The following FBP1 variants were observed in gnomAD, a reference collection of about 807,000 sequenced individuals.
The protein encoded by FBP1 is fructose-bisphosphatase 1, also known as fructose-1,6-bisphosphatase 1.
In FBP1, 22 loss-of-function variants were observed where a neutral mutation model predicts 29.9. The observed-to-expected ratio is 0.74, with a 90% CI of 0.53 to 1.05. The LOEUF (loss-of-function observed/expected upper bound fraction) is 1.05. Among genes scored for constraint, FBP1 ranks in the 50% least tolerant of loss-of-function variants. The pLI is 0.00. For missense variants in FBP1, 345 were observed against 448.2 expected, an observed-to-expected ratio of 0.77 and a Z score of 2.08; for synonymous variants, 175 against 178.6, an observed-to-expected ratio of 0.98 and a Z score of 0.16.
Position 94,621,398 on chromosome 9 carries a change from A to AAAAAAAAAATATATATAT in FBP1, c.171-908_171-907insATATATATATTTTTTTTT, listed in dbSNP as rs58726402. Among the ~76,000 whole-genome samples, 93 of 146,228 alleles carry AAAAAAAAAATATATATAT rather than the reference A, an allele frequency of 6.4e-4. 4 individuals are homozygous for AAAAAAAAAATATATATAT. The highest frequency in any genetic ancestry group is 2.2e-3 in the African/African-American group (82 of 37,980). ...GCGACAGAGCAAGATTCCGTCTAAA[A>AAAAAAAAAATATATATAT]ATATATATATTTTTAGAAGAAAGGA... is the stretch of plus-strand genomic sequence containing the variant. On this transcript the variant is annotated intron_variant, in intron 1 of 6. Transcript: ENST00000375326.
chr9:94,638,086 CAAAAAAAAAAAA>C (rs11308338), intron 1 of FBP1, among the ~76,000 whole-genome samples: 1 of 110,220 alleles, frequency 9.1e-6, no homozygotes, highest in Admixed American at 9.2e-5. Flanking sequence ...AATTCCATCT[CAAAAAAAAAAAA>C]AAAAAGAAAA....
intron 3 of FBP1, among the ~76,000 whole-genome samples, chr9:94,615,067 C>A (rs1396144104): frequency 1.3e-5 from 2 of 152,142 alleles, no homozygotes; most frequent in South Asian, 2.1e-4. Flanking sequence ...TGCCACCACA[C>A]CCGGCTGATT....
Position 94,617,674 on chromosome 9 carries a change from C to A in FBP1, c.426+94G>T. On this transcript the variant is annotated intron_variant, in intron 3 of 6. Transcript: ENST00000375326. ...TACTTCAGTCTCACAGTTTCATGATCTCCACTCCGGCTGCTCTGCCACAGT... is the reference window on the plus strand; with the variant it reads ...TACTTCAGTCTCACAGTTTCATGATATCCACTCCGGCTGCTCTGCCACAGT... 4 of 804,910 alleles carry A rather than the reference C, an allele frequency of 5.0e-6. No homozygotes were observed. The Admixed American group carries it at 5.7e-5, about 12-fold the overall frequency. The allele number at this position is 804,910 out of a possible 1,614,324, so 49.9% of individuals were successfully genotyped here.
intron 1 of FBP1, among the ~76,000 whole-genome samples, chr9:94,636,220 C>A (rs1828188306): frequency 6.6e-6 from 1 of 152,062 alleles, no homozygotes; most frequent in African/African-American, 2.4e-5. Context: ...TGGCTCATAC[C>A]TGTAATCCCA....
In FBP1 at chr9:94,617,508, T is replaced by C. The variant is rs556224338; in HGVS notation, c.426+260A>G. 5.3e-5 allele frequency among the ~76,000 whole-genome samples: 8 copies of C among 152,322 alleles called. No individual in the cohort carries two copies. The East Asian group carries it at 1.4e-3, about 26-fold the overall frequency. On this transcript the variant is annotated intron_variant, in intron 3 of 6. Transcript: ENST00000375326. ...CCTCTTTTTTAAATCTCATTTTCTA[T>C]CATAAAAAGTAAGACATAGTAAAAA... is the stretch of plus-strand genomic sequence containing the variant.
At chr9:94,626,815 A>G (rs1358542087) in intron 1 of FBP1, among the ~76,000 whole-genome samples, 1 of 152,124 alleles carries the variant, frequency 6.6e-6, no homozygotes, top group East Asian at 1.9e-4. Flanking sequence ...CACTTTGGGA[A>G]GCTAAGGCAG....
chr9:94,632,627 C>T (rs528295831), intron 1 of FBP1, among the ~76,000 whole-genome samples: 28 of 106,870 alleles, frequency 2.6e-4, no homozygotes, highest in Admixed American at 6.1e-4. Context: ...GAGATCACAC[C>T]ACACCACAGC....
At chr9:94,604,773 A>G (rs544536981) in intron 6 of FBP1, among the ~76,000 whole-genome samples, 1 of 152,190 alleles carries the variant, frequency 6.6e-6, no homozygotes, top group Admixed American at 6.5e-5. Context: ...GACGAGTAAG[A>G]CTCTGCCTAA....
chr9:94,623,279 C>T (rs1022074756), intron 1 of FBP1, among the ~76,000 whole-genome samples: 14 of 152,182 alleles, frequency 9.2e-5, no homozygotes, highest in African/African-American at 3.1e-4. Context: ...GCCACCGTGC[C>T]CAGCCCACTG....
chr9:94,629,350 A>T (rs1025687262), intron 1 of FBP1, among the ~76,000 whole-genome samples: 3 of 152,206 alleles, frequency 2.0e-5, no homozygotes, highest in Admixed American at 2.0e-4. Context: ...TCACAGATCC[A>T]TGGCCATTGA....
At chr9:94,603,656 A>G in intron 6 of FBP1, 84 bp from the exon 7 acceptor site, 1 of 1,230,774 alleles carries the variant, frequency 8.1e-7, no homozygotes, top group East Asian at 2.3e-5. Flanking sequence ...AAACATGCAG[A>G]GCTGGTGGGA....
chr9:94,631,758 A>G (rs1291144089), intron 1 of FBP1, among the ~76,000 whole-genome samples: 2 of 152,204 alleles, frequency 1.3e-5, no homozygotes, highest in Admixed American at 1.3e-4. Context: ...GGAGATTATT[A>G]CTTAATCCTT....
chr9:94,616,019 G>A (rs937998482), intron 3 of FBP1, among the ~76,000 whole-genome samples: 20 of 152,008 alleles, frequency 1.3e-4, no homozygotes, highest in African/African-American at 4.1e-4. Context: ...TAGTAGAGAC[G>A]GGGTTTCACC....
At position 94,617,801 on chromosome 9, in the gene FBP1, CA is replaced by C. The variant is rs2131486442; in HGVS notation, c.392del (p.Val131GlyfsTer71). On this transcript the variant is annotated frameshift_variant, in exon 3 of 7. Transcript: ENST00000375326. LOFTEE classifies it high-confidence loss of function. ...LDGSSNIDCL[V>X]SVGTIFGIYR... ...AGATGCCAAAAATGGTTCCAACGGA[CA>C]CAAGGCAATCGATGTTGGAAGATCC... The C allele has an allele frequency of 6.2e-7, 1 of 1,613,850 alleles. No homozygotes were observed. Among genetic ancestry groups the C allele is most frequent in the South Asian group, 1.1e-5 (1 of 91,070 alleles).
chr9:94,609,190 GAAAAAAAAA>G (rs869220165), intron 4 of FBP1, among the ~76,000 whole-genome samples: 1 of 112,014 alleles, frequency 8.9e-6, no homozygotes, highest in South Asian at 2.7e-4. Flanking sequence ...CTACATCTCA[GAAAAAAAAA>G]AAAAAAAGAA....
chr9:94,639,486 G>T lies in FBP1; in HGVS notation c.-176C>A. 1.4e-6 allele frequency: 1 copy of T among 720,688 alleles called. No individual in the cohort carries two copies. 44.6% of individuals were successfully genotyped at this position (720,688 alleles called of 1,614,324 possible). ...ACTGACAGACCGACTGCCGCCCCGA[G>T]TGTCCGCAGCGCTCGTGGTGCAACT... is the stretch of plus-strand genomic sequence containing the variant. On this transcript the variant is annotated 5_prime_UTR_variant, in exon 1 of 7. Transcript: ENST00000375326.
chr9:94,637,428 C>T lies in FBP1; in HGVS notation c.170+1713G>A, dbSNP rs533794815. 6.7e-5 allele frequency among the ~76,000 whole-genome samples: 10 copies of T among 149,660 alleles called. No individual in the cohort carries two copies. The South Asian group carries it at 1.3e-3, about 19-fold the overall frequency. On this transcript the variant is annotated intron_variant, in intron 1 of 6. Transcript: ENST00000375326. ...TTTTTTTTTTTTTAAGACAAAGTCACGCTCTTGTCGCGCAGGCTGGAGTGC... is the reference window on the plus strand; with the variant it reads ...TTTTTTTTTTTTTAAGACAAAGTCATGCTCTTGTCGCGCAGGCTGGAGTGC...
intron 1 of FBP1, among the ~76,000 whole-genome samples, chr9:94,628,065 G>C (rs1828050124): frequency 6.6e-6 from 1 of 152,242 alleles, no homozygotes. Context: ...GACTTGATCT[G>C]CCAAGGAAAT....
chr9:94,605,182 C>T (rs1340107427), intron 6 of FBP1, among the ~76,000 whole-genome samples: 1 of 152,172 alleles, frequency 6.6e-6, no homozygotes, highest in East Asian at 1.9e-4. Context: ...CCAGCCAAGC[C>T]CTGTATCCAC....
Sources: gnomAD v4.1 joint callset for allele counts (sites outside exome capture counted in the v4.1 genomes callset) on GRCh38, gnomAD v4.1.1 for gene constraint, MANE v1.5 for transcripts, NCBI Gene and HGNC (gene_info 2026-07-23, HGNC 2026-07-21) for gene names.